PCLO: variants seen among roughly 807,000 people sequenced by gnomAD.
PCLO encodes the protein protein piccolo.
A neutral mutation model predicts 427.5 loss-of-function variants in PCLO; 82 were observed. That is an observed-to-expected ratio of 0.19 (90% CI 0.16 to 0.23). The LOEUF (loss-of-function observed/expected upper bound fraction) is 0.23. Ranked by LOEUF, PCLO falls within the 10% of genes least tolerant of loss-of-function variation. PCLO has a pLI of 1.00. For synonymous variants in PCLO, 2,357 were observed against 2,155.4 expected, an observed-to-expected ratio of 1.09 and a Z score of -2.59; for missense variants, 6,239 against 6,115.9, an observed-to-expected ratio of 1.02 and a Z score of -0.67.
intron 3 of PCLO, among the ~76,000 whole-genome samples, chr7:83,010,756 A>C (rs1788057722): frequency 6.6e-6 from 1 of 151,822 alleles, no homozygotes; most frequent in African/African-American, 2.4e-5. Flanking sequence ...AAGCACTAAT[A>C]TAATCATGTC....
At chr7:83,014,804 T>G (rs533410565) in intron 3 of PCLO, among the ~76,000 whole-genome samples, 1 of 152,234 alleles carries the variant, frequency 6.6e-6, no homozygotes, top group Non-Finnish European at 1.5e-5. Flanking sequence ...ATTTCCTGCT[T>G]AAAAGAGAAA....
chr7:82,854,104 T>C (rs1792738452), intron 10 of PCLO, among the ~76,000 whole-genome samples: 1 of 152,196 alleles, frequency 6.6e-6, no homozygotes, highest in Admixed American at 6.6e-5. Flanking sequence ...TTTTTCTTTT[T>C]TGCACTTCCC....
At chr7:82,794,483 T>TTTTTTTTTTTTTTTTTTTTTTTA (rs1791183239) in intron 22 of PCLO, among the ~76,000 whole-genome samples, 1 of 111,274 alleles carries the variant, frequency 9.0e-6, no homozygotes, top group Non-Finnish European at 1.8e-5. Context: ...TTTTTTTTTT[T>TTTTTTTTTTTTTTTTTTTTTTTA]TTTTTTGAGA....
At chr7:83,123,956 CAAAAAAAAAAA>C (rs71074625) in intron 3 of PCLO, among the ~76,000 whole-genome samples, 4 of 29,056 alleles carry the variant, frequency 1.4e-4, no homozygotes, top group Admixed American at 5.9e-4. Context: ...AACTCTGTCT[CAAAAAAAAAAA>C]AAAAAAAAAA....
chr7:82,847,668 G>A (rs568863913), intron 10 of PCLO, among the ~76,000 whole-genome samples: 12 of 152,140 alleles, frequency 7.9e-5, no homozygotes, highest in Non-Finnish European at 1.5e-4. Context: ...TCATGAAATG[G>A]GAGCAGTAGA....
intron 13 of PCLO, among the ~76,000 whole-genome samples, chr7:82,842,482 C>A (rs367865088): frequency 6.6e-6 from 1 of 151,870 alleles, no homozygotes; most frequent in South Asian, 2.1e-4. Context: ...TTGGTCTGAC[C>A]AAAGATTTTT....
intron 10 of PCLO, among the ~76,000 whole-genome samples, chr7:82,851,897 G>C (rs1792668301): frequency 6.6e-6 from 1 of 152,016 alleles, no homozygotes; most frequent in Non-Finnish European, 1.5e-5. Context: ...TTAATGTTAG[G>C]CAGTGTTAAT....
chr7:82,835,126 A>C (rs1307017114), intron 16 of PCLO, among the ~76,000 whole-genome samples: 1 of 152,002 alleles, frequency 6.6e-6, no homozygotes, highest in East Asian at 1.9e-4. Flanking sequence ...TTGTGTTTTT[A>C]GTAGAGACGG....
At chr7:82,963,912 G>A (rs1395933877) in intron 4 of PCLO, among the ~76,000 whole-genome samples, 1 of 151,936 alleles carries the variant, frequency 6.6e-6, no homozygotes, top group Non-Finnish European at 1.5e-5. Context: ...ATAATAAAAA[G>A]AAAGTGAAAA....
At chr7:83,126,539 G>A (rs906985750) in intron 3 of PCLO, among the ~76,000 whole-genome samples, 2 of 151,212 alleles carry the variant, frequency 1.3e-5, no homozygotes, top group Non-Finnish European at 3.0e-5. Flanking sequence ...AAATGTAAAA[G>A]TAATCATAAA....
At chr7:83,023,556 T>A (rs1412144436) in intron 3 of PCLO, among the ~76,000 whole-genome samples, 2 of 152,166 alleles carry the variant, frequency 1.3e-5, no homozygotes, top group Non-Finnish European at 2.9e-5. Flanking sequence ...ACATAAAAAA[T>A]TCAAAACAGT....
intron 3 of PCLO, among the ~76,000 whole-genome samples, chr7:83,129,294 G>A (rs1392632686): frequency 1.3e-5 from 2 of 151,998 alleles, no homozygotes; most frequent in Non-Finnish European, 2.9e-5. Context: ...ATTTTTTTAA[G>A]CAGTAATTGA....
rs377142224 is a variant in PCLO, at chr7:82,841,536, A to T, written c.14047-27T>A. The T allele has an allele frequency of 3.9e-4, 506 of 1,308,244 alleles. 1 individual carries two copies. In the African/African-American group the frequency reaches 6.4e-3, roughly 17 times the overall value. 81.0% of individuals were successfully genotyped at this position (1,308,244 alleles called of 1,614,324 possible). ...TGTAATATTAAAGAACATATATTACATTAATAGATACATTTTTCACATAAT... is the reference window on the plus strand; with the variant it reads ...TGTAATATTAAAGAACATATATTACTTTAATAGATACATTTTTCACATAAT... On this transcript the variant is annotated intron_variant, in intron 13 of 24. Transcript: ENST00000333891.
chr7:82,819,308 G>T (rs1044599416), intron 20 of PCLO, among the ~76,000 whole-genome samples: 1 of 151,560 alleles, frequency 6.6e-6, no homozygotes, highest in Admixed American at 6.6e-5. Context: ...ATATCTATTA[G>T]AACACTATTC....
chr7:82,919,139 T>C (rs1562858337), intron 6 of PCLO, among the ~76,000 whole-genome samples: 1 of 151,988 alleles, frequency 6.6e-6, no homozygotes, highest in Non-Finnish European at 1.5e-5. Context: ...TCATATGCTC[T>C]TATGTATTGA....
chr7:83,155,859 G>A lies in PCLO; in HGVS notation c.782C>T (p.Pro261Leu), dbSNP rs1049967997. 7 of 1,613,950 alleles carry A rather than the reference G, an allele frequency of 4.3e-6. No individual in the cohort carries two copies. The highest frequency in any genetic ancestry group is 2.2e-5 in the East Asian group (1 of 44,870). ...ATGGTCTGTCTGAGGAGTCTGGGTA[G>A]GACCCTGAATTGGCTTTCCTGTACC... The part of the protein sequence containing the change: ...PPGTGKPIQG[P>L]TQTPQTDHAK... Residue 261 changes from proline (P) to leucine (L), a missense_variant, in exon 2 of 25, where the codon CCT (proline) becomes CTT (leucine). Pro to Leu is a moderately conservative substitution (Grantham distance 98, BLOSUM62 -3). Transcript: ENST00000333891.
At chr7:82,926,255 G>A (rs2116319817) in intron 6 of PCLO, among the ~76,000 whole-genome samples, 1 of 152,252 alleles carries the variant, frequency 6.6e-6, no homozygotes, top group East Asian at 1.9e-4. Flanking sequence ...CAATATATAA[G>A]TAGCAGTATC....
intron 6 of PCLO, among the ~76,000 whole-genome samples, chr7:82,924,242 T>C (rs1468418861): frequency 1.3e-5 from 2 of 152,050 alleles, no homozygotes; most frequent in South Asian, 4.1e-4. Context: ...CATTCTAGGT[T>C]ATGGTAATGA....
At chr7:82,971,929 A>AT (rs1795916629) in intron 3 of PCLO, among the ~76,000 whole-genome samples, 1 of 151,614 alleles carries the variant, frequency 6.6e-6, no homozygotes, top group Non-Finnish European at 1.5e-5. Flanking sequence ...CTATGCTATT[A>AT]TAAGTATCAT....
Sources: gnomAD v4.1 joint callset for allele counts (sites outside exome capture counted in the v4.1 genomes callset) on GRCh38, gnomAD v4.1.1 for gene constraint, MANE v1.5 for transcripts, NCBI Gene and HGNC (gene_info 2026-07-23, HGNC 2026-07-21) for gene names.